WDR4: variants seen among roughly 807,000 people sequenced by gnomAD.
WDR4 encodes tRNA (guanine-N(7)-)-methyltransferase non-catalytic subunit WDR4.
A neutral mutation model predicts 48.6 loss-of-function variants in WDR4; 47 were observed. The observed-to-expected ratio is 0.97, with a 90% CI of 0.77 to 1.23. The LOEUF is 1.23. Among genes scored for constraint, WDR4 ranks in the 50% most tolerant of loss-of-function variants. The probability of loss-of-function intolerance (pLI) is 0.00; values close to 1 mark genes in which losing one functional copy is unlikely to be tolerated. For missense variants in WDR4, 606 were observed against 551.6 expected, an observed-to-expected ratio of 1.10 and a Z score of -0.99; for synonymous variants, 268 against 230.0, an observed-to-expected ratio of 1.17 and a Z score of -1.49.
chr21:42,850,388 C>T (rs1030226604), intron 10 of WDR4, 146 bp from the exon 11 acceptor site: 7 of 651,190 alleles, frequency 1.1e-5, no homozygotes, highest in Non-Finnish European at 1.8e-5. Flanking sequence ...GACGGCTCCC[C>T]ACGGTGCCCA....
the WDR4 span, among the ~76,000 whole-genome samples, chr21:42,891,260 T>G: frequency 6.6e-6 from 1 of 151,018 alleles, no homozygotes; most frequent in South Asian, 2.1e-4. Context: ...AGGCGGAGGT[T>G]GCAGTAAGCC....
At chr21:42,859,263 A>G (rs2058060746) in intron 6 of WDR4, among the ~76,000 whole-genome samples, 2 of 152,174 alleles carry the variant, frequency 1.3e-5, no homozygotes, top group South Asian at 2.1e-4. Context: ...AAAGAAAGAA[A>G]GAAAAAAAGG....
chr21:42,885,956 A>ATTTT, the WDR4 span, among the ~76,000 whole-genome samples: 8 of 122,816 alleles, frequency 6.5e-5, no homozygotes, highest in Admixed American at 1.7e-4. Context: ...CTCAGCATAG[A>ATTTT]TTTTTTTTTT....
chr21:42,874,709 TGAG>T lies in WDR4; in HGVS notation c.156-1021_156-1019del, dbSNP rs567050956. Among the ~76,000 whole-genome samples, 1,352 of 152,184 alleles carry T rather than the reference TGAG, an allele frequency of 8.9e-3. 6 individuals are homozygous for T. The highest frequency in any genetic ancestry group is 0.014 in the Non-Finnish European group (930 of 68,004). ...CATAGCGCTCCCAGGCTTACTAGGA[TGAG>T]GAGATTCCCGCCTAATAAATTTTGG... On this transcript the variant is annotated intron_variant, in intron 2 of 10. Transcript: ENST00000398208.
upstream of WDR4, among the ~76,000 whole-genome samples, chr21:42,884,120 C>A (rs140598479): frequency 6.6e-6 from 1 of 152,098 alleles, no homozygotes; most frequent in Non-Finnish European, 1.5e-5. Context: ...TTTTCATGGC[C>A]GAATAATATT....
intron 1 of WDR4, among the ~76,000 whole-genome samples, chr21:42,877,048 C>G (rs753263206): frequency 5.3e-5 from 8 of 151,984 alleles, no homozygotes; most frequent in Non-Finnish European, 1.0e-4. Flanking sequence ...AATCCCCAAC[C>G]TCAGGTGATC....
intron 10 of WDR4, among the ~76,000 whole-genome samples, chr21:42,850,615 A>G (rs1232858824): frequency 6.6e-6 from 1 of 152,150 alleles, no homozygotes; most frequent in Non-Finnish European, 1.5e-5. Flanking sequence ...CCTCTGGCCA[A>G]CAGCCAGAGA....
the WDR4 span, among the ~76,000 whole-genome samples, chr21:42,884,977 T>C: frequency 1.3e-5 from 2 of 152,212 alleles, no homozygotes; most frequent in East Asian, 1.9e-4. Context: ...GGTTTCACCA[T>C]GTTGGCCAGG....
chr21:42,861,825 A>G (rs530356683), intron 5 of WDR4, among the ~76,000 whole-genome samples: 8 of 152,346 alleles, frequency 5.3e-5, no homozygotes, highest in African/African-American at 1.9e-4. Flanking sequence ...AGGAGCGGGC[A>G]TTCAGAAACA....
Position 42,854,552 on chromosome 21 carries a change from CGCA to C in WDR4, c.791+7_791+9del. ...GAACCGGAGGCCATAGAGGTGCCGC[CGCA>C]GCTTACCCGTCGCACAGGAGCGCCA... On this transcript the variant is annotated splice_region_variant and intron_variant, in intron 8 of 10. Transcript: ENST00000398208. 6.2e-7 allele frequency: 1 copy of C among 1,612,264 alleles called. No homozygotes were observed. Among genetic ancestry groups the C allele is most frequent in the Non-Finnish European group, 8.5e-7 (1 of 1,179,360 alleles).
intron 3 of WDR4, among the ~76,000 whole-genome samples, chr21:42,870,851 G>A (rs761911553): frequency 1.4e-4 from 21 of 152,218 alleles, no homozygotes; most frequent in Non-Finnish European, 2.9e-4. Context: ...ACTTTTGGGA[G>A]TCCAAGCCCC....
chr21:42,888,437 T>C, the WDR4 span, among the ~76,000 whole-genome samples: 1 of 152,070 alleles, frequency 6.6e-6, no homozygotes, highest in South Asian at 2.1e-4. Flanking sequence ...TGTGCACCTG[T>C]AGTCCCAGCT....
Position 42,879,419 on chromosome 21 carries a change from G to A in WDR4, c.77C>T (p.Ser26Phe), listed in dbSNP as rs780859689. The change falls in exon 1 of 11, where the codon TCC becomes TTC. Residue 26 changes from serine (S) to phenylalanine (F), a missense_variant. Ser to Phe is a radical substitution (Grantham distance 155). Coordinates refer to ENST00000398208, the MANE Select transcript of WDR4 (RefSeq NM_018669.6). The part of the protein sequence containing the change: ...VRGGSRFLAT[S>F]IASSDDDSLF... ...AAGGCCCCCTCACCTGCTTGCTATGGAGGTGGCCAGGAATCGGCTGCCGCC... is the reference window on the plus strand; with the variant it reads ...AAGGCCCCCTCACCTGCTTGCTATGAAGGTGGCCAGGAATCGGCTGCCGCC... The A allele has an allele frequency of 6.2e-7, 1 of 1,613,858 alleles. No homozygotes were observed. The highest frequency in any genetic ancestry group is 1.1e-5 in the South Asian group (1 of 91,082).
chr21:42,853,891 C>G, intron 8 of WDR4, 139 bp from the exon 9 acceptor site: 1 of 946,488 alleles, frequency 1.1e-6, no homozygotes, highest in Admixed American at 2.8e-5. Context: ...CTGCGCCACT[C>G]CCAAATGCCG....
Position 42,862,505 on chromosome 21 carries a change from G to A in WDR4, c.454-111C>T. The A allele has an allele frequency of 1.0e-6, 1 of 975,878 alleles. No homozygotes were observed. Among genetic ancestry groups the A allele is most frequent in the South Asian group, 1.5e-5 (1 of 66,136 alleles). The allele number at this position is 975,878 out of a possible 1,614,324, so 60.5% of individuals were successfully genotyped here. A position where few individuals can be genotyped will look rare whatever the true frequency, so the allele number is the denominator to read the frequency against. ...GCAGCCTGGCCGCCAAGAGGATGAG[G>A]CCTTCGAGGACAGACCAGCGTGGCT... On this transcript the variant is annotated intron_variant, in intron 4 of 10. Transcript: ENST00000398208. The surrounding 1 kb of genome is among the most constrained non-coding windows in gnomAD (Gnocchi z 4.3).
intron 2 of WDR4, among the ~76,000 whole-genome samples, chr21:42,876,006 G>A (rs941773678): frequency 2.3e-5 from 3 of 133,150 alleles, no homozygotes; most frequent in African/African-American, 8.8e-5. Flanking sequence ...TGCAACCTCC[G>A]CCTCCTAGGT....
chr21:42,880,901 G>A (rs2058602964), upstream of WDR4, among the ~76,000 whole-genome samples: 1 of 150,814 alleles, frequency 6.6e-6, no homozygotes, highest in Non-Finnish European at 1.5e-5. Flanking sequence ...TGATTCAGGT[G>A]CTCTCCATGC....
At position 42,853,645 on chromosome 21, in the gene WDR4, G is replaced by C. The variant is rs1602698413; in HGVS notation, c.899C>G (p.Thr300Ser). ...GTCCTGGAGCACCCACAGCCCCTGG[G>C]TCTCCTCGAAAGCCACGTCCCACAC... ...HQVWDVAFEE[T>S]QGLWVLQDCQ... Residue 300 changes from threonine (T) to serine (S), a missense_variant, in exon 9 of 11, where the codon ACC becomes AGC. By Grantham distance (58) the Thr-to-Ser change is moderately conservative. Coordinates refer to ENST00000398208, the MANE Select transcript of WDR4 (RefSeq NM_018669.6). 1.2e-6 allele frequency: 2 copies of C among 1,604,926 alleles called. No individual in the cohort carries two copies. Among genetic ancestry groups the C allele is most frequent in the Non-Finnish European group, 1.7e-6 (2 of 1,176,882 alleles).
At chr21:42,854,651 C>T (rs747635327) in intron 7 of WDR4, 25 bp from the exon 8 acceptor site, 3 of 1,610,004 alleles carry the variant, frequency 1.9e-6, no homozygotes, top group South Asian at 2.2e-5. Context: ...AGCCCATTAA[C>T]TTCACGCCAC....
Sources: allele counts gnomAD v4.1 joint callset (sites outside exome capture counted in the v4.1 genomes callset), GRCh38; gene constraint gnomAD v4.1.1; non-coding constraint Gnocchi (gnomAD v3.1); transcripts MANE v1.5; gene names NCBI Gene and HGNC (gene_info 2026-07-23, HGNC 2026-07-21).